CEP72: variants seen among roughly 807,000 people sequenced by gnomAD.
The protein encoded by CEP72 is centrosomal protein 72, also known as centrosomal protein of 72 kDa.
In CEP72, 78 loss-of-function variants were observed where a neutral mutation model predicts 65.7. The ratio of observed to expected loss-of-function variants is 1.19; its 90% CI spans 0.99 to 1.43. The LOEUF (loss-of-function observed/expected upper bound fraction) is 1.43, where lower values mean the gene tolerates loss of function less well. Among genes scored for constraint, CEP72 ranks in the 40% most tolerant of loss-of-function variants. CEP72 has a pLI of 0.00. For synonymous variants in CEP72, 358 were observed against 351.7 expected (o/e 1.02, Z -0.20); for missense variants, 914 against 832.9 (o/e 1.10, Z -1.20).
At chr5:614,082 G>A (rs1409238090) in intron 1 of CEP72, among the ~76,000 whole-genome samples, 1 of 152,148 alleles carries the variant, frequency 6.6e-6, no homozygotes, top group African/African-American at 2.4e-5. Context: ...GATAATCTGT[G>A]TATTCTTTCT....
Position 624,633 on chromosome 5 carries a change from AG to A in CEP72, c.512+56del. 1 of 1,278,484 alleles carries A rather than the reference AG, an allele frequency of 7.8e-7. No homozygotes were observed. Among genetic ancestry groups the A allele is most frequent in the Non-Finnish European group, 1.1e-6 (1 of 874,766 alleles). The allele number at this position is 1,278,484 out of a possible 1,614,324, so 79.2% of individuals were successfully genotyped here. On this transcript the variant is annotated intron_variant, in intron 4 of 11. Coordinates refer to ENST00000264935, the MANE Select transcript of CEP72 (RefSeq NM_018140.4). The surrounding 1 kb of genome is among the most constrained non-coding windows in gnomAD (Gnocchi z 4.7). ...GAGTGTTTCTGACTGGCCTGCTGTC[AG>A]GAGGATTAACCGAACGTCATTCACT...
At chr5:622,188 A>G (rs1284784759) in intron 3 of CEP72, among the ~76,000 whole-genome samples, 2 of 152,212 alleles carry the variant, frequency 1.3e-5, no homozygotes, top group African/African-American at 2.4e-5. Context: ...AGTGTAGGTT[A>G]GTGGTATGGA....
intron 8 of CEP72, among the ~76,000 whole-genome samples, chr5:639,995 G>A (rs1404537807): frequency 6.6e-6 from 1 of 152,222 alleles, no homozygotes; most frequent in African/African-American, 2.4e-5. Context: ...TGTCCTGTGG[G>A]AGCCTCCTGA....
intron 1 of CEP72, 109 bp from the exon 2 acceptor site, chr5:618,881 C>A: frequency 2.3e-6 from 2 of 859,682 alleles, no homozygotes; most frequent in Non-Finnish European, 3.6e-6. Flanking sequence ...TTGAATTAAA[C>A]CAAGAATCTG....
At chr5:661,125 G>GCT (rs1330872603), downstream of CEP72, 1 of 152,272 alleles carries the variant, frequency 6.6e-6, no homozygotes, top group African/African-American at 2.4e-5. Flanking sequence ...TCTTCTCAGC[G>GCT]CTCTCCCTCT....
intron 1 of CEP72, among the ~76,000 whole-genome samples, chr5:618,784 GA>G (rs776494897): frequency 1.8e-3 from 271 of 152,298 alleles, no homozygotes; most frequent in Non-Finnish European, 2.1e-3. Context: ...AGCAGATACT[GA>G]GGGTGGGGGT....
intron 8 of CEP72, 86 bp downstream of exon 8, chr5:639,310 A>T (rs1561050541): frequency 1.4e-6 from 2 of 1,443,998 alleles, no homozygotes; most frequent in Non-Finnish European, 1.9e-6. Flanking sequence ...CCTAGGAGTC[A>T]TCTCAGCCCC....
At chr5:671,581 C>T (rs988099160), downstream of CEP72, among the ~76,000 whole-genome samples, 23 of 152,230 alleles carry the variant, frequency 1.5e-4, 1 homozygote, top group East Asian at 3.9e-4. Flanking sequence ...GGGTGCCTGT[C>T]GCCGCACAGT....
downstream of CEP72, among the ~76,000 whole-genome samples, chr5:671,155 C>T (rs962999858): frequency 6.6e-6 from 1 of 151,862 alleles, no homozygotes; most frequent in Non-Finnish European, 1.5e-5. Context: ...GAGGGGCCGC[C>T]TGGGATCAGC....
intron 4 of CEP72, among the ~76,000 whole-genome samples, chr5:628,119 G>A (rs1312716244): frequency 6.6e-6 from 1 of 152,224 alleles, no homozygotes; most frequent in East Asian, 1.9e-4. Context: ...AGACACGAGG[G>A]TTAGTGATTG....
chr5:617,293 G>A (rs1427778454), intron 1 of CEP72, among the ~76,000 whole-genome samples: 1 of 152,148 alleles, frequency 6.6e-6, no homozygotes, highest in African/African-American at 2.4e-5. Context: ...CAGGGCAGTG[G>A]GTCTAATATG....
rs768899199 is a variant in CEP72, at chr5:624,437, C to T, written c.404-34C>T. The T allele has an allele frequency of 2.0e-5, 31 of 1,552,682 alleles. No individual in the cohort carries two copies. The highest frequency in any genetic ancestry group is 2.7e-5 in the Non-Finnish European group (30 of 1,124,192). On this transcript the variant is annotated intron_variant, in intron 3 of 11. Coordinates refer to ENST00000264935, the MANE Select transcript of CEP72 (RefSeq NM_018140.4). The surrounding 1 kb of genome is among the most constrained non-coding windows in gnomAD (Gnocchi z 4.7). ...GTGGATGCAGCCGCCCGCCGCTTGC[C>T]ACCTGCACAGTCTTGTGTGGCCTTT...
At chr5:639,259 G>A in intron 8 of CEP72, 35 bp downstream of exon 8, 1 of 1,529,026 alleles carries the variant, frequency 6.5e-7, no homozygotes, top group South Asian at 1.3e-5. Context: ...TGCCCTGTAG[G>A]CAGCGTCTGT....
intron 9 of CEP72, chr5:642,095 C>G: frequency 2.0e-6 from 2 of 981,036 alleles, no homozygotes; most frequent in Non-Finnish European, 2.4e-6. Context: ...CGTCCAGAAG[C>G]CTGTGCATTT....
rs1739229736 is a variant in CEP72 at position 653,232 on chromosome 5, G to A, written c.*79G>A. ...CTGCACCTTTGTACTTCTTTATTGA[G>A]TGTACTGGCTGGCAAGAGTTCTCTC... On this transcript the variant is annotated 3_prime_UTR_variant, in exon 12 of 12. Coordinates refer to ENST00000264935, the MANE Select transcript of CEP72 (RefSeq NM_018140.4). The A allele has an allele frequency of 1.3e-5, 18 of 1,336,796 alleles. No individual in the cohort carries two copies. Among genetic ancestry groups the A allele is most frequent in the Admixed American group, 8.6e-5 (3 of 34,736 alleles). 82.8% of individuals were successfully genotyped at this position (1,336,796 alleles called of 1,614,324 possible).
intron 11 of CEP72, among the ~76,000 whole-genome samples, chr5:651,432 G>A (rs1388939962): frequency 2.6e-5 from 4 of 151,982 alleles, no homozygotes; most frequent in African/African-American, 4.8e-5. Flanking sequence ...TGTGTGCAGT[G>A]TGACCAGGGG....
At chr5:615,537 C>A (rs888632884) in intron 1 of CEP72, among the ~76,000 whole-genome samples, 1 of 152,166 alleles carries the variant, frequency 6.6e-6, no homozygotes, top group Non-Finnish European at 1.5e-5. Context: ...CATGGCGTAT[C>A]TTTTCCTATC....
chr5:675,462 A>ACGGGGTG, the CEP72 span, among the ~76,000 whole-genome samples: 895 of 35,526 alleles, frequency 0.025, 9 homozygotes, highest in South Asian at 0.067. Flanking sequence ...GGGGTGCAGC[A>ACGGGGTG]CAGGGGGTGC....
intron 1 of CEP72, among the ~76,000 whole-genome samples, chr5:618,263 C>T (rs562578799): frequency 1.3e-5 from 2 of 152,312 alleles, no homozygotes; most frequent in African/African-American, 2.4e-5. Context: ...AGGTACGTTC[C>T]TTGCTCGTCA....
Sources: gnomAD v4.1 joint callset for allele counts (sites outside exome capture counted in the v4.1 genomes callset) on GRCh38, gnomAD v4.1.1 for gene constraint, Gnocchi (gnomAD v3.1) non-coding constraint, MANE v1.5 for transcripts, NCBI Gene and HGNC (gene_info 2026-07-23, HGNC 2026-07-21) for gene names.